ANXA7: variants seen among roughly 807,000 people sequenced by gnomAD.
ANXA7 encodes the protein annexin A7, also known as annexin VII.
A neutral mutation model predicts 64.9 loss-of-function variants in ANXA7; 55 were observed. The ratio of observed to expected loss-of-function variants is 0.85; its 90% confidence interval spans 0.68 to 1.06. The LOEUF (loss-of-function observed/expected upper bound fraction) is 1.06. Among genes scored for constraint, ANXA7 ranks in the 50% least tolerant of loss-of-function variants. ANXA7 has a pLI of 0.00. For synonymous variants in ANXA7, 200 were observed against 192.4 expected (o/e 1.04, Z -0.33); for missense variants, 548 against 582.1 (o/e 0.94, Z 0.60).
intron 1 of ANXA7, chr10:73,408,161 T>C (rs2055786870): frequency 6.6e-6 from 1 of 152,068 alleles, no homozygotes; most frequent in Admixed American, 6.6e-5. Flanking sequence ...CCTACAAAAA[T>C]ATTTTAAAAA....
intron 5 of ANXA7, among the ~76,000 whole-genome samples, chr10:73,390,929 C>CGGGAGGTCGAGGCA (rs1205009844): frequency 1.0e-4 from 15 of 149,302 alleles, no homozygotes; most frequent in Non-Finnish European, 1.5e-4. Context: ...CCCAGCACTT[C>CGGGAGGTCGAGGCA]GGGAGGTCGA....
chr10:73,384,698 G>C (rs1490040365), intron 7 of ANXA7, among the ~76,000 whole-genome samples: 1 of 152,000 alleles, frequency 6.6e-6, no homozygotes, highest in Non-Finnish European at 1.5e-5. Flanking sequence ...ACTGTGCCCA[G>C]CCGATATTGT....
At chr10:73,406,825 C>T (rs1164321107) in intron 1 of ANXA7, among the ~76,000 whole-genome samples, 1 of 152,122 alleles carries the variant, frequency 6.6e-6, no homozygotes, top group Non-Finnish European at 1.5e-5. Flanking sequence ...CCCGCCTCAG[C>T]CTCCCAAAGT....
intron 4 of ANXA7, 113 bp from the exon 5 acceptor site, chr10:73,396,696 T>C (rs1324414027): frequency 1.6e-6 from 1 of 611,204 alleles, no homozygotes; most frequent in Non-Finnish European, 2.7e-6. Context: ...ATTCACACTA[T>C]GATACTTATG....
chr10:73,383,642 G>C lies in ANXA7; in HGVS notation c.682C>G (p.Leu228Val). The change falls in exon 8 of 13, where the codon CTG becomes GTG. Residue 228 changes from leucine (L) to valine (V), a missense_variant. Coordinates refer to ENST00000372921, the MANE Select transcript of ANXA7 (RefSeq NM_001156.5). ...GGAGGCATGAAGAGGGCCAGGATCA[G>C]TTCTTCCATATTTCCACTTAACTCT... ...KSELSGNMEE[L>V]ILALFMPPTY... 1 of 1,613,900 alleles carries C rather than the reference G, an allele frequency of 6.2e-7. No individual in the cohort carries two copies. The highest frequency in any genetic ancestry group is 8.5e-7 in the Non-Finnish European group (1 of 1,179,852).
Position 73,400,869 on chromosome 10 carries a change from A to G in ANXA7, c.-1-12T>C. The G allele has an allele frequency of 6.3e-7, 1 of 1,588,858 alleles. No individual in the cohort carries two copies. Among genetic ancestry groups the G allele is most frequent in the Non-Finnish European group, 8.6e-7 (1 of 1,167,234 alleles). On this transcript the variant is annotated splice_polypyrimidine_tract_variant and intron_variant, in intron 1 of 12. Coordinates refer to ENST00000372921, the MANE Select transcript of ANXA7 (RefSeq NM_001156.5). ...CTGGGTATGACATTCTGTAACAACA[A>G]TAAAAAATGTCCTCTGTAAGTTTTT...
At chr10:73,408,073 C>T (rs2055785856) in intron 1 of ANXA7, 1 of 152,870 alleles carries the variant, frequency 6.5e-6, no homozygotes, top group Non-Finnish European at 1.5e-5. Context: ...AATCCCAAAA[C>T]TCTGGGAGGC....
At chr10:73,391,303 A>G (rs2055478951) in intron 5 of ANXA7, among the ~76,000 whole-genome samples, 1 of 151,238 alleles carries the variant, frequency 6.6e-6, no homozygotes, top group Non-Finnish European at 1.5e-5. Context: ...TTTGATTCCA[A>G]CCTTCTTGCT....
intron 5 of ANXA7, among the ~76,000 whole-genome samples, chr10:73,389,220 C>T (rs2055427888): frequency 6.6e-6 from 1 of 152,108 alleles, no homozygotes; most frequent in African/African-American, 2.4e-5. Context: ...ATCAGACAAA[C>T]CCAAATTAAG....
chr10:73,395,762 G>T, intron 5 of ANXA7: 1 of 480,850 alleles, frequency 2.1e-6, no homozygotes, highest in South Asian at 1.7e-5. Context: ...CTCTAGCCTG[G>T]GTGCCAACAG....
rs749341629 is a variant in ANXA7, at chr10:73,376,115, G to C, written c.1381C>G (p.Leu461Val). Residue 461 changes from leucine (L) to valine (V), a missense_variant, in exon 13 of 13, where the codon CTG (leucine) becomes GTG (valine). Coordinates refer to ENST00000372921, the MANE Select transcript of ANXA7 (RefSeq NM_001156.5). ...DTSGDYRRLL[L>V]AIVGQ The stretch of plus-strand genomic sequence containing the variant: ...CCCTCCTACTGGCCCACAATAGCCA[G>C]AAGAAGTCTTCGGTAATCTCCACTC... 26 of 1,594,578 alleles carry C rather than the reference G, an allele frequency of 1.6e-5. No individual in the cohort carries two copies. Among genetic ancestry groups the C allele is most frequent in the Admixed American group, 5.2e-5 (3 of 57,280 alleles).
rs373553616 is a variant in ANXA7, at chr10:73,379,903, C to A, written c.1141G>T (p.Val381Leu). 3.1e-6 allele frequency: 5 copies of A among 1,614,096 alleles called. No homozygotes were observed. The highest frequency in any genetic ancestry group is 4.2e-6 in the Non-Finnish European group (5 of 1,180,034). ...CAGATGGTCTTCAAACCACTTTCTA[C>A]ATATCCGGAAAACTCACGGCTCACA... ...SSVSREFSGYVESGLKTILQC... is the reference protein window; with the variant it reads ...SSVSREFSGYLESGLKTILQC... The change falls in exon 11 of 13, where the codon GTA (valine) becomes TTA (leucine). Residue 381 changes from valine (V) to leucine (L), a missense_variant. Val to Leu is a conservative substitution (Grantham distance 32). Coordinates refer to ENST00000372921, the MANE Select transcript of ANXA7 (RefSeq NM_001156.5).
chr10:73,377,773 G>GGGGGGGTGTGTGTGTGTGT (rs1554815379), intron 12 of ANXA7, among the ~76,000 whole-genome samples: 2 of 124,848 alleles, frequency 1.6e-5, no homozygotes, highest in African/African-American at 6.4e-5. Flanking sequence ...GGTGGGTGTG[G>GGGGGGGTGTGTGTGTGTGT]GTGTGTGTGT....
chr10:73,377,603 CAATAAT>C (rs1277471202), intron 12 of ANXA7: 1 of 126,778 alleles, frequency 7.9e-6, no homozygotes, highest in Non-Finnish European at 1.6e-5. Context: ...AAAAAACACG[CAATAAT>C]AATAATAATT....
At chr10:73,402,990 A>G (rs2055694813) in intron 1 of ANXA7, among the ~76,000 whole-genome samples, 1 of 152,116 alleles carries the variant, frequency 6.6e-6, no homozygotes. Context: ...GTGCCTGGCT[A>G]ATTTTTGTAT....
At chr10:73,396,460 G>A (rs2055577083) in intron 5 of ANXA7, 59 bp downstream of exon 5, 1 of 1,295,902 alleles carries the variant, frequency 7.7e-7, no homozygotes, top group Non-Finnish European at 1.1e-6. Context: ...CTCAGCAAAG[G>A]ATAGGTTCCT....
chr10:73,409,608 A>G (rs922375338), intron 1 of ANXA7, among the ~76,000 whole-genome samples: 20 of 152,208 alleles, frequency 1.3e-4, no homozygotes, highest in Admixed American at 5.2e-4. Flanking sequence ...CAATCTACAG[A>G]TTCAATGCGA....
intron 1 of ANXA7, among the ~76,000 whole-genome samples, chr10:73,413,397 T>G (rs1336816685): frequency 1.3e-5 from 2 of 152,228 alleles, no homozygotes; most frequent in Non-Finnish European, 2.9e-5. Context: ...ATCAGCCATC[T>G]ACCTCTGCAC....
chr10:73,400,177 C>T (rs761510654), intron 2 of ANXA7, among the ~76,000 whole-genome samples: 4 of 151,758 alleles, frequency 2.6e-5, no homozygotes, highest in South Asian at 2.1e-4. Context: ...AAAACTGAAA[C>T]GCACAATTCT....
Sources: gnomAD v4.1 joint callset for allele counts (sites outside exome capture counted in the v4.1 genomes callset) on GRCh38, gnomAD v4.1.1 for gene constraint, MANE v1.5 for transcripts, NCBI Gene and HGNC (gene_info 2026-07-23, HGNC 2026-07-21) for gene names.